Variants in AIDA observed in about 807,000 individuals in gnomAD.
AIDA encodes the protein axin interactor, dorsalization associated, also known as axin interactor, dorsalization-associated protein.
AIDA carries 18 observed loss-of-function variants against 42.7 expected under a neutral mutation model. That is an observed-to-expected ratio of 0.42 (90% confidence interval 0.29 to 0.63). The LOEUF (loss-of-function observed/expected upper bound fraction) is 0.63, where lower values mean the gene tolerates loss of function less well. Ranked by LOEUF, AIDA falls within the 20% of genes least tolerant of loss-of-function variation. AIDA has a pLI of 0.19. For missense variants in AIDA, 250 were observed against 354.1 expected, an observed-to-expected ratio of 0.71 and a Z score of 2.36; for synonymous variants, 104 against 122.9, an observed-to-expected ratio of 0.85 and a Z score of 1.02.
intron 2 of AIDA, among the ~76,000 whole-genome samples, chr1:222,699,386 C>T (rs1655617874): frequency 6.6e-6 from 1 of 152,140 alleles, no homozygotes; most frequent in African/African-American, 2.4e-5. Flanking sequence ...ATTAATTTTG[C>T]AGATCCAACA....
intron 2 of AIDA, among the ~76,000 whole-genome samples, chr1:222,702,406 A>G (rs1233659748): frequency 1.3e-5 from 2 of 152,124 alleles, no homozygotes; most frequent in African/African-American, 4.8e-5. Context: ...AAGATTAAAC[A>G]TTGACTTAAC....
intron 7 of AIDA, among the ~76,000 whole-genome samples, chr1:222,673,747 C>T (rs182814325): frequency 1.7e-3 from 259 of 151,222 alleles, no homozygotes; most frequent in African/African-American, 6.2e-3. Flanking sequence ...CACTGCACTC[C>T]AGCCTGGGCA....
In AIDA at chr1:222,676,148, A is replaced by G; in HGVS notation, c.531T>C (p.Gly177=). Residue 177 remains glycine (G), a synonymous_variant, in exon 7 of 10, where the codon GGT becomes GGC. Transcript: ENST00000340020. The part of the protein sequence containing the change: ...TLLTIRIEKI[G]LKDAGQCIDP... The stretch of plus-strand genomic sequence containing the variant: ...CGATGCACTGCCCAGCATCTTTCAA[A>G]CCAATTTTCTCAATTCTGATAGTGA... 1 of 1,613,246 alleles carries G rather than the reference A, an allele frequency of 6.2e-7. No homozygotes were observed. Among genetic ancestry groups the G allele is most frequent in the Non-Finnish European group, 8.5e-7 (1 of 1,179,646 alleles).
intron 1 of AIDA, among the ~76,000 whole-genome samples, chr1:222,705,369 T>A (rs1185221920): frequency 6.6e-6 from 1 of 152,202 alleles, no homozygotes; most frequent in Non-Finnish European, 1.5e-5. Flanking sequence ...TCCCGAGTAA[T>A]CTATACACTG....
Position 222,676,104 on chromosome 1 carries a change from C to A in AIDA, c.575G>T (p.Ser192Ile). 6.3e-7 allele frequency: 1 copy of A among 1,588,422 alleles called. No homozygotes were observed. The highest frequency in any genetic ancestry group is 8.5e-7 in the Non-Finnish European group (1 of 1,169,940). The change falls in exon 7 of 10, where the codon AGT (serine) becomes ATT (isoleucine). Residue 192 changes from serine (S) to isoleucine (I), a missense_variant. Coordinates refer to ENST00000340020, the MANE Select transcript of AIDA (RefSeq NM_022831.4). ...GQCIDPYITVSVKDLNGIDLT... is the reference protein window; with the variant it reads ...GQCIDPYITVIVKDLNGIDLT... Reference sequence around the variant, plus strand: ...TAAACAGAGTCACTTACCCTTTACACTAACTGTAATATAGGGATCGATGCA... The same window carrying A: ...TAAACAGAGTCACTTACCCTTTACAATAACTGTAATATAGGGATCGATGCA...
chr1:222,672,448 G>A (rs770920728), intron 8 of AIDA, among the ~76,000 whole-genome samples: 4 of 152,160 alleles, frequency 2.6e-5, no homozygotes, highest in Non-Finnish European at 5.9e-5. Flanking sequence ...TGGAGCTTTG[G>A]TGTATGTCAG....
intron 2 of AIDA, among the ~76,000 whole-genome samples, chr1:222,695,769 T>A (rs1245270746): frequency 6.6e-6 from 1 of 152,204 alleles, no homozygotes; most frequent in Admixed American, 6.5e-5. Context: ...AAAGTATTTA[T>A]GCACAATGTC....
intron 1 of AIDA, among the ~76,000 whole-genome samples, chr1:222,703,811 T>A (rs1196321238): frequency 1.3e-5 from 2 of 152,216 alleles, no homozygotes; most frequent in East Asian, 3.8e-4. Flanking sequence ...AGGCCTTGCA[T>A]GAGTTTTTAG....
chr1:222,710,189 G>T (rs1314503776), intron 1 of AIDA, among the ~76,000 whole-genome samples: 2 of 152,088 alleles, frequency 1.3e-5, no homozygotes, highest in Admixed American at 1.3e-4. Context: ...GGATATATTA[G>T]GTAATTTTAA....
chr1:222,677,877 A>G (rs558014803), intron 6 of AIDA, among the ~76,000 whole-genome samples: 2 of 152,314 alleles, frequency 1.3e-5, no homozygotes, highest in African/African-American at 4.8e-5. Context: ...ATTACCAAAA[A>G]CACCTCAATA....
chr1:222,707,967 C>T (rs1188700476), intron 1 of AIDA, among the ~76,000 whole-genome samples: 1 of 152,180 alleles, frequency 6.6e-6, no homozygotes, highest in Non-Finnish European at 1.5e-5. Flanking sequence ...AGACCATCAC[C>T]AATCTGTGGA....
At chr1:222,690,836 C>T (rs1047061477) in intron 4 of AIDA, among the ~76,000 whole-genome samples, 1 of 152,216 alleles carries the variant, frequency 6.6e-6, no homozygotes, top group South Asian at 2.1e-4. Context: ...TGTCTAGATT[C>T]TCATTCATTC....
intron 1 of AIDA, 54 bp downstream of exon 1, chr1:222,712,150 CAAGG>C: frequency 1.3e-6 from 2 of 1,551,122 alleles, no homozygotes; most frequent in South Asian, 2.4e-5. Context: ...CCGACAGAAA[CAAGG>C]GAGAGGCGCA....
intron 6 of AIDA, among the ~76,000 whole-genome samples, chr1:222,676,948 A>C (rs1182713063): frequency 3.9e-5 from 6 of 152,042 alleles, no homozygotes; most frequent in Admixed American, 2.0e-4. Flanking sequence ...ACAAAAAAAA[A>C]CCCATCCGTT....
chr1:222,676,495 A>G (rs916277277), intron 6 of AIDA, among the ~76,000 whole-genome samples: 1 of 152,242 alleles, frequency 6.6e-6, no homozygotes, highest in African/African-American at 2.4e-5. Flanking sequence ...ATTATAAATT[A>G]CCACATAATT....
rs770718554 is a variant in AIDA, at chr1:222,694,185, A to G, written c.234+25T>C. The G allele has an allele frequency of 3.1e-6, 5 of 1,588,396 alleles. No homozygotes were observed. The African/African-American group carries it at 5.4e-5, about 17-fold the overall frequency. On this transcript the variant is annotated intron_variant, in intron 3 of 9. Coordinates refer to ENST00000340020, the MANE Select transcript of AIDA (RefSeq NM_022831.4). ...ATGCAGAATAATTTATTTTCCTTGT[A>G]TTACAGAAGAGAAAAACTCCTTACC...
intron 2 of AIDA, among the ~76,000 whole-genome samples, chr1:222,701,944 G>A (rs1300537454): frequency 7.3e-5 from 11 of 151,112 alleles, no homozygotes; most frequent in African/African-American, 1.9e-4. Context: ...GGCTGGTCTC[G>A]AACTCCTGAC....
At chr1:222,670,362 C>T in intron 8 of AIDA, 112 bp from the exon 9 acceptor site, 1 of 811,000 alleles carries the variant, frequency 1.2e-6, no homozygotes, top group Non-Finnish European at 2.0e-6. Flanking sequence ...CATAATTTGA[C>T]AAAACAACTT....
chr1:222,703,632 A>G (rs866556281), intron 1 of AIDA, among the ~76,000 whole-genome samples: 76 of 152,350 alleles, frequency 5.0e-4, no homozygotes, highest in African/African-American at 1.6e-3. Context: ...TTGATTTGGT[A>G]GTAAAATTAG....
Sources: gnomAD v4.1 joint callset for allele counts (sites outside exome capture counted in the v4.1 genomes callset) on GRCh38, gnomAD v4.1.1 for gene constraint, MANE v1.5 for transcripts, NCBI Gene and HGNC (gene_info 2026-07-23, HGNC 2026-07-21) for gene names.